The following GUCY2C variants were observed in gnomAD, a reference collection of about 807,000 sequenced individuals.
GUCY2C encodes the protein guanylate cyclase 2C, also known as guanylyl cyclase C.
A neutral mutation model predicts 131.1 loss-of-function variants in GUCY2C; 118 were observed. The ratio of observed to expected loss-of-function variants is 0.90; its 90% CI spans 0.78 to 1.05. GUCY2C has a LOEUF of 1.05. Among genes scored for constraint, GUCY2C ranks in the 50% least tolerant of loss-of-function variants. The pLI, the probability that GUCY2C is intolerant of heterozygous loss-of-function variation, is 0.00. For missense variants in GUCY2C, 1,161 were observed against 1,304.4 expected (o/e 0.89, Z 1.69); for synonymous variants, 452 against 457.8 (o/e 0.99, Z 0.16).
intron 22 of GUCY2C, 105 bp from the exon 23 acceptor site, chr12:14,621,321 C>T (rs759683341): frequency 3.2e-6 from 3 of 925,114 alleles, no homozygotes; most frequent in Non-Finnish European, 5.1e-6. Context: ...TTTGGGAACA[C>T]AGTATGAGCA....
chr12:14,656,319 A>T (rs1947762779), intron 12 of GUCY2C, among the ~76,000 whole-genome samples, 193 bp downstream of exon 12: 1 of 152,214 alleles, frequency 6.6e-6, no homozygotes, highest in African/African-American at 2.4e-5. Context: ...GGAAGTGCTC[A>T]TTGGATTAAC....
intron 10 of GUCY2C, chr12:14,665,901 A>G (rs886271024): frequency 2.0e-5 from 3 of 152,228 alleles, no homozygotes; most frequent in Non-Finnish European, 4.4e-5. Context: ...GACATACCCA[A>G]GGTTCGTCAT....
intron 9 of GUCY2C, among the ~76,000 whole-genome samples, chr12:14,671,016 G>T (rs1027952194): frequency 2.0e-5 from 3 of 151,556 alleles, no homozygotes; most frequent in Admixed American, 6.6e-5. Flanking sequence ...TCACTATCAC[G>T]AGACTAGCAT....
intron 21 of GUCY2C, among the ~76,000 whole-genome samples, chr12:14,623,555 T>G (rs1309660421): frequency 6.6e-6 from 1 of 152,232 alleles, no homozygotes; most frequent in Non-Finnish European, 1.5e-5. Flanking sequence ...TTGGATATTC[T>G]GCCATATTTG....
At chr12:14,626,547 A>G (rs936167770) in intron 20 of GUCY2C, among the ~76,000 whole-genome samples, 1 of 152,224 alleles carries the variant, frequency 6.6e-6, no homozygotes, top group African/African-American at 2.4e-5. Context: ...TAAGGAAACA[A>G]TCATGAATGT....
Position 14,621,080 on chromosome 12 carries a change from G to A in GUCY2C, c.2738C>T (p.Pro913Leu). The A allele has an allele frequency of 6.2e-7, 1 of 1,613,992 alleles. No individual in the cohort carries two copies. Among genetic ancestry groups the A allele is most frequent in the Non-Finnish European group, 8.5e-7 (1 of 1,179,948 alleles). Residue 913 changes from proline to leucine, a missense_variant, in exon 23 of 27, where the codon CCT (proline) becomes CTT (leucine). By Grantham distance (98) the Pro-to-Leu change is moderately conservative. Coordinates refer to ENST00000261170, the MANE Select transcript of GUCY2C (RefSeq NM_004963.4). ...AATGCGAATCCATATTGGGAGGCCAGGAAGATGCTCCAGCTCAAAGGTCCC... is the reference window on the plus strand; with the variant it reads ...AATGCGAATCCATATTGGGAGGCCAAGAAGATGCTCCAGCTCAAAGGTCCC... ...FMGTFELEHL[P>L]GLPIWIRIGV...
chr12:14,672,709 T>C (rs1948139859), intron 9 of GUCY2C, among the ~76,000 whole-genome samples, 164 bp downstream of exon 9: 1 of 152,166 alleles, frequency 6.6e-6, no homozygotes, highest in African/African-American at 2.4e-5. Flanking sequence ...TCAAAATGCT[T>C]AAGGAATACT....
chr12:14,680,481 G>A (rs1948327697), intron 5 of GUCY2C, among the ~76,000 whole-genome samples: 1 of 152,076 alleles, frequency 6.6e-6, no homozygotes, highest in African/African-American at 2.4e-5. Context: ...CAACTGGTAG[G>A]CCATTAATAT....
In GUCY2C at chr12:14,661,025, A is replaced by G. The variant is rs1947856724; in HGVS notation, c.1320T>C (p.Thr440=). 1 of 1,613,316 alleles carries G rather than the reference A, an allele frequency of 6.2e-7. No individual in the cohort carries two copies. Among genetic ancestry groups the G allele is most frequent in the Non-Finnish European group, 8.5e-7 (1 of 1,179,362 alleles). ...QILMIAVFTL[T]GAVVLLLLVA... is the part of the protein sequence containing the mutation. ...CGAGCAGGAGCAGCACCACAGCTCC[A>G]GTGAGGGTGAAGACTGCAATCATCA... Residue 440 remains threonine (T), a synonymous_variant, in exon 11 of 27, where the codon ACT becomes ACC. Coordinates refer to ENST00000261170, the MANE Select transcript of GUCY2C (RefSeq NM_004963.4).
chr12:14,657,962 A>G (rs1947794838), intron 11 of GUCY2C, among the ~76,000 whole-genome samples: 1 of 152,174 alleles, frequency 6.6e-6, no homozygotes, highest in Non-Finnish European at 1.5e-5. Context: ...ATTCTTGTCA[A>G]CATTTGGTAT....
At chr12:14,655,553 C>T (rs373492422) in intron 12 of GUCY2C, among the ~76,000 whole-genome samples, 7 of 152,256 alleles carry the variant, frequency 4.6e-5, no homozygotes, top group African/African-American at 1.7e-4. Flanking sequence ...CAAACTTAAG[C>T]CAAATGCAAT....
At chr12:14,658,612 G>T (rs983691755) in intron 11 of GUCY2C, among the ~76,000 whole-genome samples, 1 of 152,286 alleles carries the variant, frequency 6.6e-6, no homozygotes, top group East Asian at 1.9e-4. Flanking sequence ...GGAGGTGGAG[G>T]TTGCAGTGAG....
At chr12:14,663,351 C>T (rs1039578024) in intron 10 of GUCY2C, among the ~76,000 whole-genome samples, 3 of 152,210 alleles carry the variant, frequency 2.0e-5, no homozygotes, top group African/African-American at 4.8e-5. Context: ...GGCACGATCT[C>T]GGCTCACCGC....
In GUCY2C at chr12:14,616,669, C is replaced by G. The variant is rs756805059; in HGVS notation, c.2934G>C (p.Gln978His). 77 of 1,605,546 alleles carry G rather than the reference C, an allele frequency of 4.8e-5. No individual in the cohort carries two copies. The highest frequency in any genetic ancestry group is 1.0e-4 in the Admixed American group (6 of 59,968). The change falls in exon 25 of 27, where the codon CAG (glutamine) becomes CAC (histidine). Residue 978 changes from glutamine to histidine, a missense_variant. By Grantham distance (24) the Gln-to-His change is conservative (BLOSUM62 0). Transcript: ENST00000261170. Reference sequence around the variant, plus strand: ...TTTCTCCTCTCACTTCATAAAGGAACTGGCACTCAGTTCTCTTCAGGATGG... The same window carrying G: ...TTTCTCCTCTCACTTCATAAAGGAAGTGGCACTCAGTTCTCTTCAGGATGG... ...TIAILKRTEC[Q>H]FLYEVRGETY... is the part of the protein sequence containing the mutation.
intron 1 of GUCY2C, among the ~76,000 whole-genome samples, chr12:14,694,511 G>C (rs1728702393): frequency 6.6e-6 from 1 of 152,146 alleles, no homozygotes; most frequent in South Asian, 2.1e-4. Context: ...ACTAACCCAG[G>C]ATCACAGAGA....
chr12:14,650,322 A>T (rs1947620951), intron 15 of GUCY2C, among the ~76,000 whole-genome samples: 1 of 152,154 alleles, frequency 6.6e-6, no homozygotes, highest in Non-Finnish European at 1.5e-5. Context: ...ATCTCGGCTC[A>T]CTGCAACCTC....
intron 19 of GUCY2C, among the ~76,000 whole-genome samples, chr12:14,638,417 T>TA (rs1239040692): frequency 6.6e-6 from 1 of 152,214 alleles, no homozygotes; most frequent in Non-Finnish European, 1.5e-5. Context: ...CCTGCACACT[T>TA]ACATTTATTG....
chr12:14,664,059 G>T (rs1947921113), intron 10 of GUCY2C, among the ~76,000 whole-genome samples: 2 of 152,140 alleles, frequency 1.3e-5, no homozygotes, highest in Non-Finnish European at 1.5e-5. Context: ...GAATTTGAAG[G>T]GTTTATGCTT....
intron 16 of GUCY2C, among the ~76,000 whole-genome samples, 165 bp from the exon 17 acceptor site, chr12:14,643,871 T>G (rs997224145): frequency 2.6e-5 from 4 of 152,024 alleles, no homozygotes; most frequent in East Asian, 1.9e-4. Flanking sequence ...ACTGAAGCCC[T>G]AATATTTGCC....
Sources: allele counts gnomAD v4.1 joint callset (sites outside exome capture counted in the v4.1 genomes callset), GRCh38; gene constraint gnomAD v4.1.1; transcripts MANE v1.5; gene names NCBI Gene and HGNC (gene_info 2026-07-23, HGNC 2026-07-21).